EFR3A: variants seen among roughly 807,000 people sequenced by gnomAD.
The protein encoded by EFR3A is protein EFR3 homolog A.
EFR3A carries 76 observed loss-of-function variants against 104.4 expected under a neutral mutation model. That is an observed-to-expected ratio of 0.73 (90% CI 0.60 to 0.88). The LOEUF (loss-of-function observed/expected upper bound fraction) is 0.88, where lower values mean the gene tolerates loss of function less well. Among genes scored for constraint, EFR3A ranks in the 40% least tolerant of loss-of-function variants. The pLI, the probability that EFR3A is intolerant of heterozygous loss-of-function variation, is 0.00. For synonymous variants in EFR3A, 330 were observed against 330.0 expected (o/e 1.00, Z 0.00); for missense variants, 985 against 1,012.5 (o/e 0.97, Z 0.37).
At chr8:132,006,495 G>A (rs992772832) in intron 22 of EFR3A, among the ~76,000 whole-genome samples, 1 of 151,986 alleles carries the variant, frequency 6.6e-6, no homozygotes, top group Non-Finnish European at 1.5e-5. Flanking sequence ...ACAAAAAGTA[G>A]TAAAACATCC....
intron 1 of EFR3A, among the ~76,000 whole-genome samples, chr8:131,922,426 G>C (rs1394504359): frequency 6.6e-6 from 1 of 151,746 alleles, no homozygotes; most frequent in East Asian, 1.9e-4. Context: ...TTTTATTAGG[G>C]ATACTCAACT....
intron 8 of EFR3A, among the ~76,000 whole-genome samples, chr8:131,960,589 C>T (rs1819261336): frequency 6.6e-6 from 1 of 152,046 alleles, no homozygotes; most frequent in Admixed American, 6.6e-5. Flanking sequence ...CTTTGGATAG[C>T]TTTGAGTGTT....
intron 5 of EFR3A, among the ~76,000 whole-genome samples, chr8:131,953,147 A>G (rs569121803): frequency 6.6e-6 from 1 of 152,226 alleles, no homozygotes; most frequent in South Asian, 2.1e-4. Context: ...AGTGTAAGGA[A>G]GAGCTTGAGG....
chr8:131,939,582 T>G (rs1006704976), intron 1 of EFR3A, among the ~76,000 whole-genome samples: 14 of 152,142 alleles, frequency 9.2e-5, no homozygotes, highest in African/African-American at 2.9e-4. Flanking sequence ...ACAGAAAACT[T>G]GAAACATTAG....
At chr8:131,968,209 C>T (rs1819860377) in intron 8 of EFR3A, 86 bp from the exon 9 acceptor site, 9 of 1,301,512 alleles carry the variant, frequency 6.9e-6, no homozygotes, top group Middle Eastern at 1.9e-4. Context: ...TGGTCATTTA[C>T]GTGTCAGGTG....
intron 22 of EFR3A, among the ~76,000 whole-genome samples, chr8:132,008,731 T>A (rs893675314): frequency 3.3e-5 from 5 of 150,014 alleles, no homozygotes; most frequent in Admixed American, 6.7e-5. Context: ...ACATGAAACA[T>A]TTTGGGGGTG....
intron 14 of EFR3A, among the ~76,000 whole-genome samples, chr8:131,983,739 T>C (rs1820733554): frequency 6.6e-6 from 1 of 152,140 alleles, no homozygotes; most frequent in East Asian, 1.9e-4. Context: ...CTCAGTACAT[T>C]TCCTCTCAGT....
At chr8:131,984,401 G>A (rs1333137347) in intron 15 of EFR3A, 101 bp downstream of exon 15, 7 of 1,151,352 alleles carry the variant, frequency 6.1e-6, no homozygotes, top group Non-Finnish European at 8.3e-6. Flanking sequence ...TTAAAAGGGA[G>A]GTATCTAGTT....
intron 1 of EFR3A, among the ~76,000 whole-genome samples, chr8:131,907,396 G>A (rs565320746): frequency 1.3e-5 from 2 of 152,288 alleles, no homozygotes; most frequent in Non-Finnish European, 2.9e-5. Context: ...TATTTTATAT[G>A]AAAAGTTATT....
chr8:131,984,492 G>A (rs528847389), intron 15 of EFR3A, among the ~76,000 whole-genome samples, 192 bp downstream of exon 15: 15 of 152,264 alleles, frequency 9.9e-5, no homozygotes, highest in African/African-American at 3.6e-4. Flanking sequence ...CAACTGGTGT[G>A]CTAAATATCC....
At chr8:131,913,964 C>T (rs113071622) in intron 1 of EFR3A, among the ~76,000 whole-genome samples, 30 of 152,268 alleles carry the variant, frequency 2.0e-4, no homozygotes, top group African/African-American at 6.3e-4. Flanking sequence ...AACTTTTTAA[C>T]CCACTAACTG....
At chr8:131,996,534 G>A (rs1298441734) in intron 19 of EFR3A, 37 bp downstream of exon 19, 6 of 1,364,414 alleles carry the variant, frequency 4.4e-6, no homozygotes, top group Admixed American at 2.7e-5. Context: ...GTACTGTCTT[G>A]GTAGACATCA....
intron 2 of EFR3A, among the ~76,000 whole-genome samples, chr8:131,941,444 G>T (rs1428991126): frequency 6.6e-6 from 1 of 152,004 alleles, no homozygotes; most frequent in Non-Finnish European, 1.5e-5. Context: ...TAATGTTGAT[G>T]TATCTTATTT....
chr8:131,973,004 T>C (rs1215325709), intron 10 of EFR3A, among the ~76,000 whole-genome samples: 1 of 150,296 alleles, frequency 6.7e-6, no homozygotes, highest in Non-Finnish European at 1.5e-5. Context: ...GGCTCTCACC[T>C]TGTAGAGGCA....
Position 131,925,896 on chromosome 8 carries a change from A to G in EFR3A, c.11-14603A>G, listed in dbSNP as rs182655485. Among the ~76,000 whole-genome samples, 257 of 152,276 alleles carry G rather than the reference A, an allele frequency of 1.7e-3. 2 individuals carry two copies. The highest frequency in any genetic ancestry group is 5.9e-3 in the African/African-American group (244 of 41,564). On this transcript the variant is annotated intron_variant, in intron 1 of 22. Transcript: ENST00000254624. ...CTAAAACAGAACAGTAGTGTATACA[A>G]TAATGAATATGCCAGGCTAATGTTG...
rs368038061 is a variant in EFR3A at position 132,006,180 on chromosome 8, A to G, written c.2360+2895A>G. ...GTGAATTAATGACTTTTGGTGAGAC[A>G]TTAGAGAAAGAAGAACAACATAAGC... On this transcript the variant is annotated intron_variant, in intron 22 of 22. Coordinates refer to ENST00000254624, the MANE Select transcript of EFR3A (RefSeq NM_015137.6). Among the ~76,000 whole-genome samples, 57 of 152,254 alleles carry G rather than the reference A, an allele frequency of 3.7e-4. No individual in the cohort carries two copies. The South Asian group carries it at 0.011, about 29-fold the overall frequency.
intron 10 of EFR3A, among the ~76,000 whole-genome samples, chr8:131,972,087 A>G (rs117143149): frequency 0.024 from 3,712 of 151,840 alleles, 65 homozygotes; most frequent in South Asian, 0.038. Context: ...CCCCTTTTCT[A>G]CCTTTCTATG....
chr8:131,950,655 G>A (rs746008354), intron 5 of EFR3A, among the ~76,000 whole-genome samples: 36 of 152,228 alleles, frequency 2.4e-4, no homozygotes, highest in Admixed American at 6.5e-5. Context: ...TTCCAGGAGC[G>A]TGAGGACTTT....
At chr8:131,968,892 T>G (rs2130696302) in intron 9 of EFR3A, among the ~76,000 whole-genome samples, 1 of 152,298 alleles carries the variant, frequency 6.6e-6, no homozygotes, top group South Asian at 2.1e-4. Context: ...AGTTTAGAAG[T>G]CAGAGAAGTG....
Sources: gnomAD v4.1 joint callset for allele counts (sites outside exome capture counted in the v4.1 genomes callset) on GRCh38, gnomAD v4.1.1 for gene constraint, MANE v1.5 for transcripts, NCBI Gene and HGNC (gene_info 2026-07-23, HGNC 2026-07-21) for gene names.